The following SMTN variants were observed in gnomAD, a reference collection of about 807,000 sequenced individuals.
The protein encoded by SMTN is smoothelin.
A neutral mutation model predicts 102.0 loss-of-function variants in SMTN; 58 were observed. The observed-to-expected ratio is 0.57, with a 90% CI of 0.46 to 0.71. The LOEUF (loss-of-function observed/expected upper bound fraction) is 0.71. Among genes scored for constraint, SMTN ranks in the 30% least tolerant of loss-of-function variants. The pLI is 0.00. For missense variants in SMTN, 1,185 were observed against 1,241.7 expected (o/e 0.95, Z 0.69); for synonymous variants, 478 against 497.9 (o/e 0.96, Z 0.53).
chr22:31,070,531 T>G (rs915360172), intron 1 of SMTN, among the ~76,000 whole-genome samples: 1 of 152,132 alleles, frequency 6.6e-6, no homozygotes, highest in African/African-American at 2.4e-5. Context: ...TAGTTTTTTG[T>G]TCAACAATTT....
rs2044323735 is a variant in SMTN, at chr22:31,104,294, A to G, written c.*21-22A>G. 9 of 1,612,130 alleles carry G rather than the reference A, an allele frequency of 5.6e-6. No homozygotes were observed. The East Asian group carries it at 2.0e-4, about 36-fold the overall frequency. ...GAGGCGGGTCTGGCGCTGACATCCAACCCCGTGCCCCCTCCCTGCAGGATG... is the reference window on the plus strand; with the variant it reads ...GAGGCGGGTCTGGCGCTGACATCCAGCCCCGTGCCCCCTCCCTGCAGGATG... On this transcript the variant is annotated intron_variant, in intron 20 of 20. Coordinates refer to ENST00000333137, the MANE Select transcript of SMTN (RefSeq NM_134269.3).
intron 11 of SMTN, chr22:31,093,498 G>A (rs2043299523): frequency 1.5e-6 from 1 of 656,178 alleles, no homozygotes; most frequent in South Asian, 1.6e-5. Flanking sequence ...CCCTTGAGGA[G>A]CAGTTGGGCC....
intron 2 of SMTN, chr22:31,083,518 C>A (rs907911155): frequency 1.8e-6 from 1 of 556,234 alleles, no homozygotes; most frequent in African/African-American, 1.9e-5. Flanking sequence ...GAAGCCTAGT[C>A]CCTCCCAACC....
In SMTN at chr22:31,083,247, G is replaced by A. The variant is rs757282740; in HGVS notation, c.-12G>A. 2 of 1,598,424 alleles carry A rather than the reference G, an allele frequency of 1.3e-6. No individual in the cohort carries two copies. Among genetic ancestry groups the A allele is most frequent in the East Asian group, 2.3e-5 (1 of 44,240 alleles). On this transcript the variant is annotated 5_prime_UTR_variant, in exon 2 of 21. Coordinates refer to ENST00000333137, the MANE Select transcript of SMTN (RefSeq NM_134269.3). ...CACCAGAAAGGAACCGACGGAGCTA[G>A]GGGCCAGCGAGATGGCGGACGAGGC...
chr22:31,075,830 G>GT (rs1555958958), intron 1 of SMTN, among the ~76,000 whole-genome samples: 3 of 152,132 alleles, frequency 2.0e-5, no homozygotes, highest in African/African-American at 7.2e-5. Context: ...GTTTTGTTTT[G>GT]TTTTGTTTTT....
At chr22:31,079,680 C>A (rs571653278), upstream of SMTN, among the ~76,000 whole-genome samples, 1 of 152,362 alleles carries the variant, frequency 6.6e-6, no homozygotes, top group African/African-American at 2.4e-5. Context: ...AAGCCTAGGA[C>A]CTTGAAATAT....
At chr22:31,073,442 G>A (rs2042056083) in intron 1 of SMTN, among the ~76,000 whole-genome samples, 1 of 152,172 alleles carries the variant, frequency 6.6e-6, no homozygotes, top group Non-Finnish European at 1.5e-5. Context: ...CGTGACCCCT[G>A]CGCAAAGGCA....
rs1311915489 is a variant in SMTN, at chr22:31,090,970, C to A, written c.947C>A (p.Pro316His). The A allele has an allele frequency of 2.5e-6, 4 of 1,613,270 alleles. No individual in the cohort carries two copies. Among genetic ancestry groups the A allele is most frequent in the Admixed American group, 1.7e-5 (1 of 59,942 alleles). The change falls in exon 10 of 21, where the codon CCC becomes CAC. Residue 316 changes from proline to histidine, a missense_variant. By Grantham distance (77) the Pro-to-His change is moderately conservative. Around this residue, in one of 2 missense-constraint regions of SMTN, gnomAD observed 1,096 missense variants for 1,112.7 expected, o/e 0.98. Coordinates refer to ENST00000333137, the MANE Select transcript of SMTN (RefSeq NM_134269.3). Reference protein sequence around the residue: ...RQPAQNRESTPLASGPSSFQR... With the variant: ...RQPAQNRESTHLASGPSSFQR... ...CTCCTGTTCCTTCTAGAGTCCACCC[C>A]CCTTGCCAGCGGACCTTCCTCATTC...
upstream of SMTN, among the ~76,000 whole-genome samples, chr22:31,077,088 G>A (rs930517020): frequency 6.6e-6 from 1 of 152,170 alleles, no homozygotes; most frequent in Admixed American, 6.5e-5. Context: ...CTTCCAAATG[G>A]TGGATGGTAG....
chr22:31,079,898 G>T (rs538085704), upstream of SMTN, among the ~76,000 whole-genome samples: 15 of 152,320 alleles, frequency 9.8e-5, no homozygotes, highest in Admixed American at 9.2e-4. Context: ...AAGTAGCTGG[G>T]ATTACAGGTG....
At position 31,097,066 on chromosome 22, in the gene SMTN, G is replaced by T. The variant is rs201905303; in HGVS notation, c.2089+6G>T. 2.5e-5 allele frequency: 40 copies of T among 1,613,678 alleles called. No individual in the cohort carries two copies. Among genetic ancestry groups the T allele is most frequent in the African/African-American group, 6.7e-5 (5 of 74,916 alleles). On this transcript the variant is annotated splice_donor_region_variant and intron_variant, in intron 15 of 20. Coordinates refer to ENST00000333137, the MANE Select transcript of SMTN (RefSeq NM_134269.3). ...TTTCGTGAGGCGCTCGGAGAGTAAG[G>T]CCACCTGGTGTCGCCCTGTGCCTGC... is the stretch of plus-strand genomic sequence containing the variant.
At chr22:31,067,564 T>C (rs1295727951) in intron 1 of SMTN, 1 of 146,300 alleles carries the variant, frequency 6.8e-6, no homozygotes, top group East Asian at 2.0e-4. Context: ...TTTTTTTTTT[T>C]TTTTTTTTTG....
At chr22:31,086,711 A>G (rs900046294) in intron 2 of SMTN, among the ~76,000 whole-genome samples, 1 of 152,216 alleles carries the variant, frequency 6.6e-6, no homozygotes, top group African/African-American at 2.4e-5. Context: ...GCTGGAACCA[A>G]CTAAGGGCTC....
At chr22:31,099,958 G>C in intron 19 of SMTN, 62 bp downstream of exon 19, 1 of 1,559,930 alleles carries the variant, frequency 6.4e-7, no homozygotes, top group South Asian at 1.1e-5. Context: ...ATCGGGACCA[G>C]GCCCAGTTGC....
chr22:31,101,168 GC>G, intron 20 of SMTN, 119 bp downstream of exon 20: 2 of 914,536 alleles, frequency 2.2e-6, no homozygotes, highest in Non-Finnish European at 3.3e-6. Flanking sequence ...AGCCAGAGGA[GC>G]CAGACATAGC....
At chr22:31,085,048 C>G (rs2042577988) in intron 2 of SMTN, 2 of 1,518,884 alleles carry the variant, frequency 1.3e-6, no homozygotes, top group African/African-American at 1.4e-5. Flanking sequence ...CCGGCTCCCG[C>G]ACATTCTTGA....
At position 31,095,628 on chromosome 22, in the gene SMTN, T is replaced by TACCCTAGATCCAGCTGCCCC; in HGVS notation, c.1861+21_1861+40dup. 2.5e-6 allele frequency: 4 copies of TACCCTAGATCCAGCTGCCCC among 1,601,500 alleles called. No homozygotes were observed. Among genetic ancestry groups the TACCCTAGATCCAGCTGCCCC allele is most frequent in the Non-Finnish European group, 3.4e-6 (4 of 1,173,278 alleles). On this transcript the variant is annotated intron_variant, in intron 13 of 20. Transcript: ENST00000333137. This position sits in a 1 kb window ranked among gnomAD's most constrained non-coding sequence, Gnocchi z 4.1. ...AAGAGAGGTAGAGAGCCAGTTGCCC[T>TACCCTAGATCCAGCTGCCCC]ACCCTAGATCCAGCTGCCCCATTCC...
In SMTN at chr22:31,088,961, C is replaced by A; in HGVS notation, c.463C>A (p.Gln155Lys). ...GGGGCTAGCGGCACACAGGCTGGAA[C>A]AGTGTGAGGTAAGGAGGGTGGGAGA... ...SKGLAAHRLE[Q>K]CEVPEREEQE... Residue 155 changes from glutamine (Q) to lysine (K), a missense_variant, in exon 6 of 21, where the codon CAG (glutamine) becomes AAG (lysine). By Grantham distance (53) the Gln-to-Lys change is moderately conservative (BLOSUM62 1). Around this residue, in one of 2 missense-constraint regions of SMTN, gnomAD observed 1,096 missense variants for 1,112.7 expected, o/e 0.98. Coordinates refer to ENST00000333137, the MANE Select transcript of SMTN (RefSeq NM_134269.3). 1 of 1,613,334 alleles carries A rather than the reference C, an allele frequency of 6.2e-7. No homozygotes were observed. Among genetic ancestry groups the A allele is most frequent in the Non-Finnish European group, 8.5e-7 (1 of 1,179,750 alleles).
chr22:31,076,792 A>G (rs1209418352), upstream of SMTN, among the ~76,000 whole-genome samples: 1 of 152,138 alleles, frequency 6.6e-6, no homozygotes, highest in Non-Finnish European at 1.5e-5. Context: ...TTCAGGTGCT[A>G]TGTTCAGAAG....
Sources: gnomAD v4.1 joint callset for allele counts (sites outside exome capture counted in the v4.1 genomes callset) on GRCh38, gnomAD v4.1.1 for gene constraint, gnomAD v4.1.1 regional missense constraint, Gnocchi (gnomAD v3.1) non-coding constraint, MANE v1.5 for transcripts, NCBI Gene and HGNC (gene_info 2026-07-23, HGNC 2026-07-21) for gene names.